The following CSMD1 variants were observed in gnomAD, a reference collection of about 807,000 sequenced individuals.
CSMD1 encodes CUB and sushi domain-containing protein 1.
In CSMD1, 213 loss-of-function variants were observed where a neutral mutation model predicts 417.5. That is an observed-to-expected ratio of 0.51 (90% CI 0.46 to 0.57). CSMD1 has a LOEUF of 0.57. CSMD1 is among the 20% of genes least tolerant of loss of function. The probability of loss-of-function intolerance (pLI) is 0.00; values close to 1 mark genes in which losing one functional copy is unlikely to be tolerated. For missense variants in CSMD1, 6,923 were observed against 4,529.7 expected (o/e 1.53, Z -15.17); for synonymous variants, 2,862 against 1,736.8 (o/e 1.65, Z -16.11).
At chr8:3,629,635 A>T (rs12674904) in intron 7 of CSMD1, among the ~76,000 whole-genome samples, 1 of 151,932 alleles carries the variant, frequency 6.6e-6, no homozygotes, top group Admixed American at 6.6e-5. Context: ...TATACTCAGG[A>T]TTATTTTATC....
At chr8:3,983,135 C>CTTTTTTTTTTTTTTTTTT (rs201667296) in intron 5 of CSMD1, among the ~76,000 whole-genome samples, 1 of 133,512 alleles carries the variant, frequency 7.5e-6, no homozygotes, top group Non-Finnish European at 1.6e-5. Flanking sequence ...ATCTTTCTTT[C>CTTTTTTTTTTTTTTTTTT]TTTTTTTTTT....
At chr8:4,161,966 A>G (rs760366199) in intron 3 of CSMD1, among the ~76,000 whole-genome samples, 1 of 152,184 alleles carries the variant, frequency 6.6e-6, no homozygotes, top group Non-Finnish European at 1.5e-5. Context: ...ATACCTTTAA[A>G]ATTAATTTCT....
intron 1 of CSMD1, among the ~76,000 whole-genome samples, chr8:4,856,100 G>A (rs961013301): frequency 2.0e-5 from 3 of 152,062 alleles, no homozygotes; most frequent in Non-Finnish European, 2.9e-5. Flanking sequence ...AGAGAGTGGG[G>A]GCCAATATTC....
rs369257835 is a variant in CSMD1, at chr8:2,935,893, G to A, written c.*2692C>T. On this transcript the variant is annotated 3_prime_UTR_variant, in exon 70 of 70. Coordinates refer to ENST00000635120, the MANE Select transcript of CSMD1 (RefSeq NM_033225.6). ...AAGGCAAGATGTGTGTGTAAAACAA[G>A]CAGCAGTTTTAAACAGCTCTGAAGC... 1.3e-5 allele frequency: 2 copies of A among 152,298 alleles called. No individual in the cohort carries two copies. The highest frequency in any genetic ancestry group is 3.9e-4 in the East Asian group (2 of 5,176). 9.4% of individuals were successfully genotyped at this position (152,298 alleles called of 1,614,324 possible). A position where few individuals can be genotyped will look rare whatever the true frequency, so the allele number is the denominator to read the frequency against.
chr8:4,940,502 C>A (rs1005606362), intron 1 of CSMD1, among the ~76,000 whole-genome samples: 2 of 152,122 alleles, frequency 1.3e-5, no homozygotes, highest in Non-Finnish European at 2.9e-5. Context: ...GTTTGCTAAC[C>A]TAGGCACTTG....
At chr8:3,294,472 C>T (rs1204068624) in intron 25 of CSMD1, among the ~76,000 whole-genome samples, 2 of 152,220 alleles carry the variant, frequency 1.3e-5, no homozygotes, top group East Asian at 3.9e-4. Context: ...GGGCTCCACC[C>T]AGTTCAAGCT....
chr8:4,357,332 C>G (rs187032457), intron 3 of CSMD1, among the ~76,000 whole-genome samples: 4 of 152,118 alleles, frequency 2.6e-5, no homozygotes, highest in Non-Finnish European at 4.4e-5. Flanking sequence ...ATGCCTGTTG[C>G]GTAAGCTATT....
intron 1 of CSMD1, among the ~76,000 whole-genome samples, chr8:4,972,891 C>G (rs1016964368): frequency 6.6e-6 from 1 of 152,126 alleles, no homozygotes; most frequent in Non-Finnish European, 1.5e-5. Context: ...AACATAGGTA[C>G]TGGGACCTAC....
chr8:3,347,959 T>TGA, intron 22 of CSMD1, 33 bp downstream of exon 22: 1 of 1,490,010 alleles, frequency 6.7e-7, no homozygotes, highest in Non-Finnish European at 9.0e-7. Context: ...GAAGAAAACT[T>TGA]GGAGTCATCA....
chr8:3,719,634 G>C (rs1375581983), intron 6 of CSMD1, among the ~76,000 whole-genome samples: 1 of 152,154 alleles, frequency 6.6e-6, no homozygotes. Context: ...AGAGGAAAGT[G>C]CACTCTGGGT....
rs2554613 is a variant in CSMD1 at position 3,942,833 on chromosome 8, T to C, written c.818+55070A>G. Among the ~76,000 whole-genome samples, 1,784 of 152,266 alleles carry C rather than the reference T, an allele frequency of 0.012. 60 individuals carry two copies. The East Asian group carries it at 0.12, about 10-fold the overall frequency. On this transcript the variant is annotated intron_variant, in intron 5 of 69. Coordinates refer to ENST00000635120, the MANE Select transcript of CSMD1 (RefSeq NM_033225.6). The stretch of plus-strand genomic sequence containing the variant: ...CAATACCTAACCATAAGGGCAATGA[T>C]TGAGCTATAGTATCGTCCCACAAAT...
At chr8:3,765,435 G>C (rs1372176817) in intron 5 of CSMD1, among the ~76,000 whole-genome samples, 2 of 152,130 alleles carry the variant, frequency 1.3e-5, no homozygotes, top group Admixed American at 1.3e-4. Context: ...GGAAGTTACT[G>C]TGTGTCTTAC....
chr8:3,194,654 G>C (rs1401990210), intron 33 of CSMD1, among the ~76,000 whole-genome samples: 1 of 149,628 alleles, frequency 6.7e-6, no homozygotes, highest in Non-Finnish European at 1.5e-5. Flanking sequence ...ACTTTTAGTA[G>C]AGATGGGATT....
intron 1 of CSMD1, among the ~76,000 whole-genome samples, chr8:4,799,111 T>A (rs566707147): frequency 8.1e-4 from 124 of 152,252 alleles, no homozygotes; most frequent in African/African-American, 2.9e-3. Flanking sequence ...GGGCCATGGG[T>A]CACGCCCCTG....
intron 10 of CSMD1, among the ~76,000 whole-genome samples, chr8:3,523,743 G>C (rs532822987): frequency 1.4e-5 from 2 of 146,492 alleles, no homozygotes; most frequent in Non-Finnish European, 3.0e-5. Flanking sequence ...AGAGACACAT[G>C]CATACACATG....
intron 25 of CSMD1, among the ~76,000 whole-genome samples, chr8:3,302,206 G>C (rs547878046): frequency 6.6e-6 from 1 of 152,176 alleles, no homozygotes; most frequent in South Asian, 2.1e-4. Context: ...TCTGAGGAGA[G>C]ATGTCAGGGA....
At chr8:3,868,602 T>A (rs1405797373) in intron 5 of CSMD1, among the ~76,000 whole-genome samples, 1 of 152,138 alleles carries the variant, frequency 6.6e-6, no homozygotes, top group African/African-American at 2.4e-5. Flanking sequence ...GCTCACGCAA[T>A]AGGACCCGAA....
At chr8:3,800,477 C>T (rs747144689) in intron 5 of CSMD1, among the ~76,000 whole-genome samples, 6 of 152,038 alleles carry the variant, frequency 3.9e-5, no homozygotes, top group Non-Finnish European at 8.8e-5. Context: ...TATCCACATG[C>T]AAAAATGCAT....
In CSMD1 at chr8:3,042,362, G is replaced by C. The variant is rs144124276; in HGVS notation, c.7660+10100C>G. Among the ~76,000 whole-genome samples, 525 of 152,234 alleles carry C rather than the reference G, an allele frequency of 3.4e-3. 1 individual carries two copies. The highest frequency in any genetic ancestry group is 6.4e-3 in the Non-Finnish European group (436 of 68,004). ...GCAGGTAGCAAACAGCCTCAGAAGA[G>C]AGAGGTGGATATGTACCTCCTATCT... On this transcript the variant is annotated intron_variant, in intron 50 of 69. Coordinates refer to ENST00000635120, the MANE Select transcript of CSMD1 (RefSeq NM_033225.6).
Sources: gnomAD v4.1 joint callset for allele counts (sites outside exome capture counted in the v4.1 genomes callset) on GRCh38, gnomAD v4.1.1 for gene constraint, MANE v1.5 for transcripts, NCBI Gene and HGNC (gene_info 2026-07-23, HGNC 2026-07-21) for gene names.